The following RAD50 variants were observed in gnomAD, a reference collection of about 807,000 sequenced individuals.
RAD50 encodes DNA repair protein RAD50.
In RAD50, 132 loss-of-function variants were observed where a neutral mutation model predicts 168.8. The ratio of observed to expected loss-of-function variants is 0.78; its 90% confidence interval spans 0.68 to 0.90. RAD50 has a LOEUF of 0.90. RAD50 is among the 40% of genes least tolerant of loss of function. The pLI is 0.00. For missense variants in RAD50, 1,347 were observed against 1,534.4 expected, an observed-to-expected ratio of 0.88 and a Z score of 2.04; for synonymous variants, 525 against 497.4, an observed-to-expected ratio of 1.06 and a Z score of -0.74.
chr5:132,577,045 T>G (rs1750412235), intron 3 of RAD50, among the ~76,000 whole-genome samples: 1 of 152,250 alleles, frequency 6.6e-6, no homozygotes, highest in Non-Finnish European at 1.5e-5. Flanking sequence ...TTTATTATCT[T>G]ACACTTATGT....
At chr5:132,613,589 A>G (rs1030292640) in intron 19 of RAD50, among the ~76,000 whole-genome samples, 2 of 145,620 alleles carry the variant, frequency 1.4e-5, no homozygotes, top group African/African-American at 5.3e-5. Flanking sequence ...AATCTTCACA[A>G]TAGTCTTTTT....
At chr5:132,579,802 A>G (rs2149837912) in intron 4 of RAD50, 60 bp from the exon 5 acceptor site, 4 of 1,362,058 alleles carry the variant, frequency 2.9e-6, no homozygotes, top group Non-Finnish European at 3.1e-6. Context: ...ATCCCACTGT[A>G]TGAATATATA....
intron 5 of RAD50, among the ~76,000 whole-genome samples, chr5:132,585,859 G>A (rs1419406845): frequency 6.6e-6 from 1 of 152,118 alleles, no homozygotes; most frequent in African/African-American, 2.4e-5. Context: ...CTCCCAAAGT[G>A]CTGGGATTAC....
rs1344627343 is a variant in RAD50, at chr5:132,559,375, T to C, written c.213+8T>C. On this transcript the variant is annotated splice_region_variant and intron_variant, in intron 2 of 24. Coordinates refer to ENST00000378823, the MANE Select transcript of RAD50 (RefSeq NM_005732.4). ...TTTGTACACGATCCCAAGGTAATGG[T>C]GCTAGTACAATTTTGTATTTTTATA... 1 of 1,601,340 alleles carries C rather than the reference T, an allele frequency of 6.2e-7. No individual in the cohort carries two copies. The highest frequency in any genetic ancestry group is 8.5e-7 in the Non-Finnish European group (1 of 1,173,742).
intron 2 of RAD50, among the ~76,000 whole-genome samples, chr5:132,573,535 A>T (rs1029092036): frequency 2.2e-4 from 33 of 152,118 alleles, no homozygotes; most frequent in African/African-American, 7.2e-4. Flanking sequence ...CAGCCAAACC[A>T]TATGATTCCA....
intron 5 of RAD50, among the ~76,000 whole-genome samples, chr5:132,583,690 CTTTTTTTTTTT>C (rs35842753): frequency 8.5e-6 from 1 of 117,638 alleles, no homozygotes; most frequent in African/African-American, 3.5e-5. Context: ...TAATTCATTC[CTTTTTTTTTTT>C]TTTTTTTTTG....
At position 132,591,317 on chromosome 5, in the gene RAD50, A is replaced by G. The variant is rs750234018; in HGVS notation, c.1546A>G (p.Arg516Gly). 6.2e-7 allele frequency: 1 copy of G among 1,613,702 alleles called. No homozygotes were observed. The highest frequency in any genetic ancestry group is 1.7e-5 in the Admixed American group (1 of 60,032). Reference sequence around the variant, plus strand: ...CCAAAATGAAAAAGCAGACTTAGACAGGACCCTGCGTAAACTTGACCAGGA... The same window carrying G: ...CCAAAATGAAAAAGCAGACTTAGACGGGACCCTGCGTAAACTTGACCAGGA... The part of the protein sequence containing the change: ...SLQNEKADLD[R>G]TLRKLDQEME... Residue 516 changes from arginine to glycine, a missense_variant, in exon 10 of 25, where the codon AGG becomes GGG. Coordinates refer to ENST00000378823, the MANE Select transcript of RAD50 (RefSeq NM_005732.4).
At chr5:132,608,806 A>G in intron 17 of RAD50, 81 bp downstream of exon 17, 1 of 1,499,102 alleles carries the variant, frequency 6.7e-7, no homozygotes, top group Non-Finnish European at 8.9e-7. Context: ...CACTTATTTC[A>G]CATGAAATTA....
chr5:132,560,147 A>G (rs1398067131), intron 2 of RAD50, among the ~76,000 whole-genome samples: 2 of 151,898 alleles, frequency 1.3e-5, no homozygotes, highest in Non-Finnish European at 2.9e-5. Flanking sequence ...CCCCAGTTCC[A>G]CTATGTTTTC....
intron 13 of RAD50, among the ~76,000 whole-genome samples, chr5:132,602,328 A>C (rs1181093284): frequency 6.6e-6 from 1 of 152,140 alleles, no homozygotes; most frequent in East Asian, 1.9e-4. Flanking sequence ...ATACTAATTC[A>C]ATATAATTTT....
intron 11 of RAD50, among the ~76,000 whole-genome samples, chr5:132,593,934 T>A (rs774571677): frequency 6.6e-6 from 1 of 152,032 alleles, no homozygotes; most frequent in Non-Finnish European, 1.5e-5. Context: ...CTAGGTGCCT[T>A]GGGAAAATAG....
chr5:132,641,195 C>A (rs1005061488), intron 24 of RAD50, among the ~76,000 whole-genome samples: 1 of 152,114 alleles, frequency 6.6e-6, no homozygotes, highest in Non-Finnish European at 1.5e-5. Flanking sequence ...AGGACTGTCT[C>A]CCCAGCTTTC....
At chr5:132,583,061 A>G (rs1750532792) in intron 5 of RAD50, among the ~76,000 whole-genome samples, 1 of 152,224 alleles carries the variant, frequency 6.6e-6, no homozygotes, top group Admixed American at 6.5e-5. Flanking sequence ...TTTGTAGAGT[A>G]TCATAGTAGA....
In RAD50 at chr5:132,642,828, G is replaced by A. The variant is rs753256733; in HGVS notation, c.*464G>A. 2.8e-6 allele frequency: 1 copy of A among 358,536 alleles called. No homozygotes were observed. The highest frequency in any genetic ancestry group is 5.5e-6 in the Non-Finnish European group (1 of 182,308). The allele number at this position is 358,536 out of a possible 1,614,324, so 22.2% of individuals were successfully genotyped here. A position where few individuals can be genotyped will look rare whatever the true frequency, so the allele number is the denominator to read the frequency against. On this transcript the variant is annotated 3_prime_UTR_variant, in exon 25 of 25. Coordinates refer to ENST00000378823, the MANE Select transcript of RAD50 (RefSeq NM_005732.4). ...ATATCTGAGGATGACCAGAAATGGT[G>A]AGATGTATGTTTGGCTCTGCTTTTA...
chr5:132,609,076 T>C, intron 17 of RAD50, 41 bp from the exon 18 acceptor site: 1 of 1,605,240 alleles, frequency 6.2e-7, no homozygotes, highest in Non-Finnish European at 8.5e-7. Context: ...TATGTGCCCT[T>C]AAGTACAACC....
Position 132,589,791 on chromosome 5 carries a change from G to GA in RAD50, c.1407dup (p.Ser470IlefsTer7). 6.2e-7 allele frequency: 1 copy of GA among 1,613,662 alleles called. No individual in the cohort carries two copies. Among genetic ancestry groups the GA allele is most frequent in the Non-Finnish European group, 8.5e-7 (1 of 1,179,826 alleles). ...AAGTATGAATTACAGCAGTTGGAAG[G>GA]ATCTTCAGACAGGATTCTTGAACTG... On this transcript the variant is annotated frameshift_variant, in exon 9 of 25. Coordinates refer to ENST00000378823, the MANE Select transcript of RAD50 (RefSeq NM_005732.4). LOFTEE classifies it high-confidence loss of function.
Position 132,591,938 on chromosome 5 carries a change from T to C in RAD50, c.1697T>C (p.Leu566Pro), listed in dbSNP as rs780521569. 3 of 1,609,810 alleles carry C rather than the reference T, an allele frequency of 1.9e-6. No individual in the cohort carries two copies. The highest frequency in any genetic ancestry group is 3.3e-5 in the Admixed American group (2 of 60,012). The change falls in exon 11 of 25, where the codon CTG becomes CCG. Residue 566 changes from leucine to proline, a missense_variant. Transcript: ENST00000378823. ...KSRHSDELTS[L>P]LGYFPNKKQL... ...AGGCACAGTGATGAATTAACCTCAC[T>C]GTTGGGATATTTTCCCAACAAAAAA...
chr5:132,589,505 C>A (rs1750658292), intron 8 of RAD50, 126 bp from the exon 9 acceptor site: 1 of 701,998 alleles, frequency 1.4e-6, no homozygotes, highest in Non-Finnish European at 2.3e-6. Context: ...TGGAATATAT[C>A]CCTGCTGAGC....
chr5:132,598,756 T>C (rs1216807060), intron 13 of RAD50, among the ~76,000 whole-genome samples: 3 of 152,182 alleles, frequency 2.0e-5, no homozygotes, highest in African/African-American at 7.2e-5. Flanking sequence ...GTGACTGGGT[T>C]ACTAAACAGA....
Sources: gnomAD v4.1 joint callset for allele counts (sites outside exome capture counted in the v4.1 genomes callset) on GRCh38, gnomAD v4.1.1 for gene constraint, MANE v1.5 for transcripts, NCBI Gene and HGNC (gene_info 2026-07-23, HGNC 2026-07-21) for gene names.